The following ZNF385D variants were observed in gnomAD, a reference collection of about 807,000 sequenced individuals.
ZNF385D encodes the protein zinc finger protein 659.
In ZNF385D, 15 loss-of-function variants were observed where a neutral mutation model predicts 35.8. The ratio of observed to expected loss-of-function variants is 0.42; its 90% CI spans 0.28 to 0.64. ZNF385D has a LOEUF of 0.64. Ranked by LOEUF, ZNF385D falls within the 30% of genes least tolerant of loss-of-function variation. The pLI, the probability that ZNF385D is intolerant of heterozygous loss-of-function variation, is 0.23. For missense variants in ZNF385D, 474 were observed against 494.6 expected, an observed-to-expected ratio of 0.96 and a Z score of 0.39; for synonymous variants, 212 against 186.8, an observed-to-expected ratio of 1.13 and a Z score of -1.10.
chr3:21,694,422 G>GA (rs570246496), intron 1 of ZNF385D, among the ~76,000 whole-genome samples: 7 of 152,194 alleles, frequency 4.6e-5, no homozygotes, highest in South Asian at 2.1e-4. Flanking sequence ...AAAAGCACCA[G>GA]AAAAAAGTGG....
intron 3 of ZNF385D, among the ~76,000 whole-genome samples, chr3:21,973,350 T>C (rs1576048791): frequency 1.3e-5 from 2 of 151,958 alleles, no homozygotes; most frequent in African/African-American, 4.8e-5. Flanking sequence ...TAAAAAAGCA[T>C]TTGCTACATT....
At chr3:21,425,463 T>G (rs1347296807) in intron 6 of ZNF385D, 29 bp downstream of exon 6, 1 of 1,547,748 alleles carries the variant, frequency 6.5e-7, no homozygotes, top group South Asian at 1.2e-5. Flanking sequence ...CCCTTGTTGG[T>G]TTTCATTCCT....
intron 3 of ZNF385D, among the ~76,000 whole-genome samples, chr3:21,921,987 C>T (rs553624349): frequency 2.0e-5 from 3 of 152,132 alleles, no homozygotes; most frequent in Non-Finnish European, 4.4e-5. Flanking sequence ...TTCTTCCTAA[C>T]TCATGTTATG....
At chr3:22,245,163 G>A (rs866314652) in intron 2 of ZNF385D, among the ~76,000 whole-genome samples, 1 of 152,078 alleles carries the variant, frequency 6.6e-6, no homozygotes, top group South Asian at 2.1e-4. Flanking sequence ...ACAATAAATA[G>A]ATTATTAATT....
At chr3:22,113,497 G>A (rs1702645747) in intron 3 of ZNF385D, among the ~76,000 whole-genome samples, 3 of 152,006 alleles carry the variant, frequency 2.0e-5, no homozygotes, top group Admixed American at 1.3e-4. Context: ...TAGAAGGCCT[G>A]GGGAGAAATT....
intron 2 of ZNF385D, among the ~76,000 whole-genome samples, chr3:22,239,719 G>A (rs1699383134): frequency 6.6e-6 from 1 of 150,878 alleles, no homozygotes; most frequent in Non-Finnish European, 1.5e-5. Flanking sequence ...TAGATTAAGT[G>A]CAAATTCAAG....
intron 3 of ZNF385D, among the ~76,000 whole-genome samples, chr3:21,910,636 T>C (rs1450511890): frequency 2.0e-5 from 3 of 151,826 alleles, no homozygotes; most frequent in African/African-American, 7.2e-5. Context: ...TCATGTATAA[T>C]AATATAATTG....
At chr3:22,209,686 A>G (rs1411029653) in intron 2 of ZNF385D, among the ~76,000 whole-genome samples, 1 of 151,818 alleles carries the variant, frequency 6.6e-6, no homozygotes, top group Non-Finnish European at 1.5e-5. Context: ...ACAACAAATC[A>G]TTACTGCTGA....
intron 4 of ZNF385D, among the ~76,000 whole-genome samples, chr3:21,466,407 T>C (rs1002572989): frequency 1.3e-5 from 2 of 152,200 alleles, no homozygotes; most frequent in Non-Finnish European, 2.9e-5. Context: ...TTAGCATGGT[T>C]CATTCTTCCT....
intron 2 of ZNF385D, among the ~76,000 whole-genome samples, chr3:22,215,483 G>A (rs1016974944): frequency 6.6e-6 from 1 of 152,086 alleles, no homozygotes; most frequent in South Asian, 2.1e-4. Flanking sequence ...CGAGCTGTAA[G>A]GATGAAATAA....
chr3:22,195,646 CACT>C (rs1182261217), intron 2 of ZNF385D, among the ~76,000 whole-genome samples: 1 of 151,938 alleles, frequency 6.6e-6, no homozygotes, highest in Non-Finnish European at 1.5e-5. Context: ...ATACTTTTTA[CACT>C]ACTAACAAAG....
chr3:22,237,922 C>T (rs1283803305), intron 2 of ZNF385D, among the ~76,000 whole-genome samples: 1 of 150,868 alleles, frequency 6.6e-6, no homozygotes, highest in East Asian at 2.0e-4. Context: ...CATTACAGGC[C>T]TGAGTCACCA....
chr3:22,318,449 CT>C (rs1704022086), intron 2 of ZNF385D, among the ~76,000 whole-genome samples: 1 of 152,058 alleles, frequency 6.6e-6, no homozygotes, highest in African/African-American at 2.4e-5. Flanking sequence ...ACGTCAGAAG[CT>C]TGAAGTAAAT....
chr3:21,759,002 A>AC (rs2070480205), intron 3 of ZNF385D, among the ~76,000 whole-genome samples: 2 of 125,822 alleles, frequency 1.6e-5, no homozygotes, highest in African/African-American at 3.2e-5. Flanking sequence ...AAAAAAAAAA[A>AC]AAAACAGTGG....
intron 3 of ZNF385D, among the ~76,000 whole-genome samples, chr3:22,143,016 A>T (rs1454516326): frequency 6.6e-6 from 1 of 150,776 alleles, no homozygotes; most frequent in East Asian, 1.9e-4. Context: ...GACAATAATA[A>T]TAAAAAAAAA....
At chr3:21,565,921 C>A (rs2063129733) in intron 2 of ZNF385D, among the ~76,000 whole-genome samples, 2 of 152,102 alleles carry the variant, frequency 1.3e-5, no homozygotes, top group East Asian at 1.9e-4. Context: ...TTCATTAATT[C>A]CCCTAAACAA....
intron 3 of ZNF385D, among the ~76,000 whole-genome samples, chr3:22,010,742 C>G (rs568858557): frequency 3.3e-5 from 5 of 152,292 alleles, no homozygotes; most frequent in South Asian, 2.1e-4. Flanking sequence ...CCAGATGTAT[C>G]ACTATCTCCT....
At chr3:21,938,239 C>G (rs1386669450) in intron 3 of ZNF385D, among the ~76,000 whole-genome samples, 1 of 152,192 alleles carries the variant, frequency 6.6e-6, no homozygotes, top group Non-Finnish European at 1.5e-5. Context: ...CAGAAGCTTT[C>G]TCTCAGTTAT....
At position 21,791,692 on chromosome 3, in the gene ZNF385D, G is replaced by A. The variant is rs527392092; in HGVS notation, c.326-126664C>T. On this transcript the variant is annotated intron_variant, in intron 3 of 5. Coordinates refer to the ZNF385D transcript ENST00000494108. ...CTAATACAAAGTTTAGAAAGTTTAA[G>A]TAATAGTTACTCACAGTCTACATAT... Among the ~76,000 whole-genome samples, 7 of 152,256 alleles carry A rather than the reference G, an allele frequency of 4.6e-5. No homozygotes were observed. In the East Asian group the frequency reaches 1.2e-3, roughly 25 times the overall value.
Sources: gnomAD v4.1 joint callset for allele counts (sites outside exome capture counted in the v4.1 genomes callset) on GRCh38, gnomAD v4.1.1 for gene constraint, MANE v1.5 for transcripts, NCBI Gene and HGNC (gene_info 2026-07-23, HGNC 2026-07-21) for gene names.